The following MSN variants were observed in gnomAD, a reference collection of about 807,000 sequenced individuals.
MSN encodes the protein epididymis luminal protein 70.
Under a neutral mutation model 48.0 loss-of-function variants are expected in MSN, and 2 were observed. The observed-to-expected ratio is 0.04, with a 90% CI of 0.02 to 0.13. The LOEUF (loss-of-function observed/expected upper bound fraction) is 0.13. Ranked by LOEUF, MSN falls within the 10% of genes least tolerant of loss-of-function variation. The probability of loss-of-function intolerance (pLI) is 1.00; values close to 1 mark genes in which losing one functional copy is unlikely to be tolerated. For synonymous variants in MSN, 146 were observed against 166.9 expected, an observed-to-expected ratio of 0.87 and a Z score of 0.97; for missense variants, 267 against 470.1, an observed-to-expected ratio of 0.57 and a Z score of 3.99.
At chrX:65,619,997 G>T (rs1197682391) in intron 1 of MSN, among the ~76,000 whole-genome samples, 1 of 111,625 alleles carries the variant, frequency 9.0e-6, no homozygotes, top group African/African-American at 3.3e-5. Flanking sequence ...CCTGCTGGGG[G>T]GTGCCTCCCA....
intron 1 of MSN, among the ~76,000 whole-genome samples, chrX:65,687,359 A>G (rs546275920): frequency 7.8e-4 from 87 of 110,879 alleles, no homozygotes; most frequent in Non-Finnish European, 1.2e-3. Flanking sequence ...AAACAAACAA[A>G]CACACAAACA....
chrX:65,694,620 C>T (rs760637029), intron 1 of MSN, among the ~76,000 whole-genome samples: 15 of 112,346 alleles, frequency 1.3e-4, no homozygotes, highest in African/African-American at 3.6e-4. Context: ...TGAGCCACCA[C>T]GCCCGGCACT....
intron 1 of MSN, among the ~76,000 whole-genome samples, chrX:65,690,888 G>T (rs1241165158): frequency 9.0e-6 from 1 of 111,627 alleles, no homozygotes; most frequent in African/African-American, 3.3e-5. Flanking sequence ...TCACAGTGTG[G>T]TCTTTGATTA....
rs1340561363 is a variant in MSN at position 65,667,795 on chromosome X, G to A, written c.-47G>A. Reference sequence around the variant, plus strand: ...GTGTACTGCGTGCTCAGCACTGCCCGACAGTCCTAGCTAAACTTCGCCAAC... The same window carrying A: ...GTGTACTGCGTGCTCAGCACTGCCCAACAGTCCTAGCTAAACTTCGCCAAC... On this transcript the variant is annotated 5_prime_UTR_variant, in exon 1 of 13. Transcript: ENST00000360270. The A allele has an allele frequency of 5.0e-6, 6 of 1,209,234 alleles. No individual in the cohort carries two copies. The highest frequency in any genetic ancestry group is 6.7e-6 in the Non-Finnish European group (6 of 894,687).
intron 1 of MSN, among the ~76,000 whole-genome samples, chrX:65,608,626 A>AG (rs754754626): frequency 9.0e-6 from 1 of 111,005 alleles, no homozygotes; most frequent in African/African-American, 3.3e-5. Flanking sequence ...AATGGGGCTA[A>AG]GCATGCAGTG....
chrX:65,695,507 CAAA>C (rs759652563), intron 1 of MSN, among the ~76,000 whole-genome samples: 11 of 12,946 alleles, frequency 8.5e-4, no homozygotes, highest in South Asian at 0.011. Flanking sequence ...AACTCTGTCT[CAAA>C]AAAAAAAAAA....
intron 1 of MSN, among the ~76,000 whole-genome samples, chrX:65,616,833 G>A (rs1294937064): frequency 1.8e-5 from 2 of 109,895 alleles, no homozygotes; most frequent in African/African-American, 6.6e-5. Context: ...GTATGATATT[G>A]GCTGTGGGTT....
chrX:65,620,545 C>T (rs1315426267), intron 1 of MSN, among the ~76,000 whole-genome samples: 2 of 113,613 alleles, frequency 1.8e-5, no homozygotes, highest in Admixed American at 9.2e-5. Flanking sequence ...CCAAGTGAGG[C>T]AATGCCTCGT....
At chrX:65,695,828 GGAAGAGGGT>G (rs1381413018) in intron 1 of MSN, among the ~76,000 whole-genome samples, 1 of 98,363 alleles carries the variant, frequency 1.0e-5, no homozygotes, top group Admixed American at 9.9e-5. Context: ...ATAAATTCTG[GGAAGAGGGT>G]CAGGAAGCTG....
chrX:65,598,781 G>A (rs1202939747), intron 1 of MSN, among the ~76,000 whole-genome samples: 1 of 112,078 alleles, frequency 8.9e-6, no homozygotes, highest in Non-Finnish European at 1.9e-5. Context: ...CACATTGTCT[G>A]CTGCAGAAGA....
Position 65,667,815 on chromosome X carries a change from G to T in MSN, c.-27G>T. The stretch of plus-strand genomic sequence containing the variant: ...TGCCCGACAGTCCTAGCTAAACTTC[G>T]CCAACTCCGCTGCCTTTGCCGCCAC... On this transcript the variant is annotated 5_prime_UTR_variant, in exon 1 of 13. Transcript: ENST00000360270. 3.3e-6 allele frequency: 4 copies of T among 1,210,093 alleles called. No individual in the cohort carries two copies. The highest frequency in any genetic ancestry group is 4.5e-6 in the Non-Finnish European group (4 of 895,083).
chrX:65,656,461 G>C (rs752240194), intron 1 of MSN, among the ~76,000 whole-genome samples: 3 of 111,380 alleles, frequency 2.7e-5, no homozygotes, highest in African/African-American at 9.8e-5. Flanking sequence ...AGGCCTGCAA[G>C]GCTGGAAATG....
At chrX:65,618,815 T>C (rs199592587) in intron 1 of MSN, among the ~76,000 whole-genome samples, 43 of 110,561 alleles carry the variant, frequency 3.9e-4, no homozygotes, top group African/African-American at 1.4e-3. Context: ...ATGGTCTTTA[T>C]ATTTTGGCAT....
intron 1 of MSN, among the ~76,000 whole-genome samples, chrX:65,687,499 A>G (rs1223892736): frequency 8.9e-6 from 1 of 112,274 alleles, no homozygotes; most frequent in Non-Finnish European, 1.9e-5. Flanking sequence ...ACGTGTCCTA[A>G]AAGTTTCCAG....
intron 1 of MSN, among the ~76,000 whole-genome samples, chrX:65,603,826 A>G (rs938503435): frequency 1.2e-4 from 13 of 112,048 alleles, no homozygotes; most frequent in African/African-American, 3.9e-4. Context: ...GTGAGCCTAC[A>G]ATATAGTAGT....
chrX:65,727,045 C>T (rs1423945405), intron 2 of MSN, among the ~76,000 whole-genome samples: 1 of 111,537 alleles, frequency 9.0e-6, no homozygotes, highest in Non-Finnish European at 1.9e-5. Flanking sequence ...CTATTTCTAC[C>T]CTCATTTCCA....
chrX:65,662,065 G>T (rs1472437844), intron 1 of MSN, among the ~76,000 whole-genome samples: 2 of 112,212 alleles, frequency 1.8e-5, no homozygotes, highest in Admixed American at 1.9e-4. Flanking sequence ...TAGGAGTACA[G>T]CAGCTAACCA....
chrX:65,734,889 A>G (rs1465029658), intron 7 of MSN, among the ~76,000 whole-genome samples: 2 of 112,122 alleles, frequency 1.8e-5, no homozygotes, highest in South Asian at 3.7e-4. Context: ...TTGGCTTCCA[A>G]AAGAGGTCAC....
chrX:65,603,012 G>C (rs1460800621), intron 1 of MSN, among the ~76,000 whole-genome samples: 1 of 112,326 alleles, frequency 8.9e-6, no homozygotes, highest in Non-Finnish European at 1.9e-5. Flanking sequence ...GTGAATTCCA[G>C]ATCAGGTGCA....
Sources: allele counts gnomAD v4.1 joint callset (sites outside exome capture counted in the v4.1 genomes callset), GRCh38; gene constraint gnomAD v4.1.1; transcripts MANE v1.5; gene names NCBI Gene and HGNC (gene_info 2026-07-23, HGNC 2026-07-21).